Variants in DMD observed in about 807,000 individuals in gnomAD.
The protein encoded by DMD is dystrophin.
A neutral mutation model predicts 330.1 loss-of-function variants in DMD; 63 were observed. The ratio of observed to expected loss-of-function variants is 0.19; its 90% CI spans 0.16 to 0.24. The LOEUF is 0.24. Ranked by LOEUF, DMD falls within the 10% of genes least tolerant of loss-of-function variation. The probability of loss-of-function intolerance (pLI) is 1.00; values close to 1 mark genes in which losing one functional copy is unlikely to be tolerated. For missense variants in DMD, 3,344 were observed against 2,684.1 expected, an observed-to-expected ratio of 1.25 and a Z score of -5.43; for synonymous variants, 1,223 against 959.8, an observed-to-expected ratio of 1.27 and a Z score of -5.07.
In DMD at chrX:32,158,839, G is replaced by A. The variant is rs762708125; in HGVS notation, c.6438+58077C>T. On this transcript the variant is annotated intron_variant, in intron 44 of 78. Coordinates refer to ENST00000357033, the MANE Select transcript of DMD (RefSeq NM_004006.3). ...CCTTATGCTCACATAGCTGGCTGTC[G>A]ACATTAACATGGTTTACCTTTCCAT... 7.2e-5 allele frequency among the ~76,000 whole-genome samples: 8 copies of A among 111,862 alleles called. No homozygotes were observed. In the East Asian group the frequency reaches 2.0e-3, roughly 28 times the overall value.
At chrX:31,732,329 C>T (rs967348056) in intron 51 of DMD, among the ~76,000 whole-genome samples, 6 of 111,302 alleles carry the variant, frequency 5.4e-5, no homozygotes, top group Non-Finnish European at 1.1e-4. Flanking sequence ...ACTTAGTGGT[C>T]TTTTAGTATA....
At chrX:32,136,381 A>G (rs2096724946) in intron 44 of DMD, among the ~76,000 whole-genome samples, 1 of 112,194 alleles carries the variant, frequency 8.9e-6, no homozygotes, top group Non-Finnish European at 1.9e-5. Flanking sequence ...TGTTGTCACT[A>G]CTTATTACCT....
At chrX:32,395,060 A>C (rs2098034361) in intron 30 of DMD, among the ~76,000 whole-genome samples, 1 of 111,029 alleles carries the variant, frequency 9.0e-6, no homozygotes, top group Non-Finnish European at 1.9e-5. Context: ...TTCATGTACA[A>C]ATGAAGGTAG....
At chrX:32,406,405 T>C (rs750149001) in intron 30 of DMD, among the ~76,000 whole-genome samples, 159 of 110,682 alleles carry the variant, frequency 1.4e-3, no homozygotes, top group Non-Finnish European at 2.6e-3. Flanking sequence ...TAGATAGCTC[T>C]TATTATTTTG....
At chrX:31,197,512 T>C (rs1048270307) in intron 67 of DMD, among the ~76,000 whole-genome samples, 9 of 112,307 alleles carry the variant, frequency 8.0e-5, no homozygotes, top group African/African-American at 1.3e-4. Context: ...TTCTACATTA[T>C]TACAACAACT....
rs536548622 is a variant in DMD at position 32,553,690 on chromosome X, T to C, written c.1993-8356A>G. ...GCAATTACGAACTATTCAGCTATTCTTTAATTTTAAATTCATTTTGTTTAT... is the reference window on the plus strand; with the variant it reads ...GCAATTACGAACTATTCAGCTATTCCTTAATTTTAAATTCATTTTGTTTAT... On this transcript the variant is annotated intron_variant, in intron 16 of 78. Coordinates refer to ENST00000357033, the MANE Select transcript of DMD (RefSeq NM_004006.3). Among the ~76,000 whole-genome samples the C allele has an allele frequency of 2.3e-4, 26 of 112,302 alleles. 1 individual carries two copies. In the South Asian group the frequency reaches 8.1e-3, roughly 35 times the overall value.
At chrX:32,237,365 T>TG (rs1166942490) in intron 43 of DMD, among the ~76,000 whole-genome samples, 1 of 111,158 alleles carries the variant, frequency 9.0e-6, no homozygotes, top group Admixed American at 9.7e-5. Context: ...GATTTTTTTT[T>TG]TCTTGGTAAC....
intron 49 of DMD, among the ~76,000 whole-genome samples, chrX:31,825,589 G>A (rs928130107): frequency 2.4e-4 from 27 of 111,528 alleles, no homozygotes; most frequent in Non-Finnish European, 1.1e-4. Context: ...ATACTTAAAG[G>A]TATGTATTTA....
chrX:32,485,463 G>A (rs781146973), intron 20 of DMD, among the ~76,000 whole-genome samples: 6 of 110,242 alleles, frequency 5.4e-5, no homozygotes, highest in Non-Finnish European at 7.6e-5. Flanking sequence ...AATGATGTGC[G>A]CTTGCTTCAA....
chrX:32,540,612 C>G (rs1227074855), intron 17 of DMD, among the ~76,000 whole-genome samples: 1 of 111,806 alleles, frequency 8.9e-6, no homozygotes, highest in Admixed American at 9.6e-5. Context: ...ATACCATTCA[C>G]TCTCTCAACA....
chrX:32,884,901 A>T (rs1480906849), intron 2 of DMD, among the ~76,000 whole-genome samples: 1 of 111,608 alleles, frequency 9.0e-6, no homozygotes, highest in Non-Finnish European at 1.9e-5. Context: ...GACAAGCACA[A>T]ATTCTTGTAG....
At chrX:31,550,674 T>C (rs1050624574) in intron 55 of DMD, among the ~76,000 whole-genome samples, 2 of 111,963 alleles carry the variant, frequency 1.8e-5, no homozygotes, top group African/African-American at 6.5e-5. Context: ...CAGTAAATAA[T>C]TTGAGTATAG....
intron 53 of DMD, among the ~76,000 whole-genome samples, chrX:31,658,728 A>T (rs2080936516): frequency 8.9e-6 from 1 of 112,223 alleles, no homozygotes; most frequent in Admixed American, 9.4e-5. Context: ...TACTAAACCA[A>T]ATCACCTACA....
chrX:31,134,878 T>C (rs2147784751), intron 76 of DMD, among the ~76,000 whole-genome samples: 1 of 111,834 alleles, frequency 8.9e-6, no homozygotes, highest in South Asian at 3.8e-4. Flanking sequence ...CATAAATATG[T>C]ACAAATATTA....
intron 53 of DMD, among the ~76,000 whole-genome samples, chrX:31,658,605 T>C (rs982429937): frequency 6.2e-5 from 7 of 112,627 alleles, no homozygotes; most frequent in African/African-American, 1.6e-4. Flanking sequence ...ACAGAAAATA[T>C]TGAACAACAA....
At chrX:32,438,195 C>A in intron 29 of DMD, 46 bp downstream of exon 29, 2 of 1,182,073 alleles carry the variant, frequency 1.7e-6, no homozygotes, top group East Asian at 6.0e-5. Context: ...ATCTGCTATA[C>A]ATTAATGCAA....
In DMD at chrX:31,679,647, A is replaced by T. The variant is rs72466582; in HGVS notation, c.7661-61T>A. The T allele has an allele frequency of 0.012, 12,065 of 971,187 alleles. 71 individuals are homozygous for T. Among genetic ancestry groups the T allele is most frequent in the Middle Eastern group, 0.018 (69 of 3,833 alleles). 80.0% of individuals were successfully genotyped at this position (971,187 alleles called of 1,213,427 possible). On this transcript the variant is annotated intron_variant, in intron 52 of 78. Transcript: ENST00000357033. ...ATGCTAGTCTGGAGGAGACATTTTA[A>T]ATGTAACTTCCAAACGTTATCTCAC...
intron 67 of DMD, among the ~76,000 whole-genome samples, chrX:31,195,925 A>G (rs891225706): frequency 9.0e-6 from 1 of 111,675 alleles, no homozygotes; most frequent in Non-Finnish European, 1.9e-5. Flanking sequence ...TAGAAGGATG[A>G]AGATGGAAAA....
chrX:32,381,560 G>A (rs2097924718), intron 33 of DMD, among the ~76,000 whole-genome samples: 2 of 111,162 alleles, frequency 1.8e-5, no homozygotes, highest in East Asian at 2.8e-4. Context: ...TTTCTTAAAG[G>A]CAAATCTTCT....
Sources: gnomAD v4.1 joint callset for allele counts (sites outside exome capture counted in the v4.1 genomes callset) on GRCh38, gnomAD v4.1.1 for gene constraint, MANE v1.5 for transcripts, NCBI Gene and HGNC (gene_info 2026-07-23, HGNC 2026-07-21) for gene names.